RAPGEF6: variants seen among roughly 807,000 people sequenced by gnomAD.
RAPGEF6 encodes Rap guanine nucleotide exchange factor 6.
In RAPGEF6, 56 loss-of-function variants were observed where a neutral mutation model predicts 171.4. The observed-to-expected ratio is 0.33, with a 90% confidence interval of 0.26 to 0.41. RAPGEF6 has a LOEUF of 0.41. RAPGEF6 is among the 10% of genes least tolerant of loss of function. The pLI is 1.00. For missense variants in RAPGEF6, 1,674 were observed against 1,921.4 expected (o/e 0.87, Z 2.41); for synonymous variants, 692 against 650.1 (o/e 1.06, Z -0.98).
Position 131,571,861 on chromosome 5 carries a change from C to T in RAPGEF6, c.282-9814G>A, listed in dbSNP as rs562534579. 1.1e-4 allele frequency among the ~76,000 whole-genome samples: 17 copies of T among 152,274 alleles called. No homozygotes were observed. The South Asian group carries it at 3.5e-3, about 32-fold the overall frequency. On this transcript the variant is annotated intron_variant, in intron 4 of 27. Transcript: ENST00000509018. ...ATCGTGACATTCCCGCCACCACCGCCCCCAGCCTGTGATAATGTACCCTTG... is the reference window on the plus strand; with the variant it reads ...ATCGTGACATTCCCGCCACCACCGCTCCCAGCCTGTGATAATGTACCCTTG...
chr5:131,493,350 C>T (rs1477310550), intron 13 of RAPGEF6, among the ~76,000 whole-genome samples: 1 of 152,192 alleles, frequency 6.6e-6, no homozygotes. Context: ...AGGCATGAGC[C>T]ACCGCGCCCG....
At position 131,439,644 on chromosome 5, in the gene RAPGEF6, T is replaced by C. The variant is rs1222756953; in HGVS notation, c.3682A>G (p.Ile1228Val). The change falls in exon 24 of 28, where the codon ATT (isoleucine) becomes GTT (valine). Residue 1228 changes from isoleucine to valine, a missense_variant. Ile to Val is a conservative substitution (Grantham distance 29, BLOSUM62 3). Around this residue, in one of 3 missense-constraint regions of RAPGEF6, gnomAD observed 552 missense variants for 574.2 expected, o/e 0.96. Coordinates refer to ENST00000509018, the MANE Select transcript of RAPGEF6 (RefSeq NM_016340.6). Reference sequence around the variant, plus strand: ...GAATGTAAAGATGACGCCACAGAAATAGTGTCTTCTGTATGCTTCTTACCA... The same window carrying C: ...GAATGTAAAGATGACGCCACAGAAACAGTGTCTTCTGTATGCTTCTTACCA... ...ISGKKHTEDT[I>V]SVASSLHSSP... 1 of 1,612,802 alleles carries C rather than the reference T, an allele frequency of 6.2e-7. No individual in the cohort carries two copies. The highest frequency in any genetic ancestry group is 2.2e-5 in the East Asian group (1 of 44,880).
intron 4 of RAPGEF6, among the ~76,000 whole-genome samples, chr5:131,575,354 A>G (rs573130302): frequency 5.9e-5 from 9 of 152,148 alleles, no homozygotes; most frequent in African/African-American, 2.2e-4. Flanking sequence ...CCTCTTACGA[A>G]TCTTCCCAAC....
intron 4 of RAPGEF6, among the ~76,000 whole-genome samples, chr5:131,566,427 T>C (rs1330351788): frequency 6.6e-6 from 1 of 152,176 alleles, no homozygotes; most frequent in Non-Finnish European, 1.5e-5. Context: ...CCTGGGATAA[T>C]CCCAACTTGA....
At chr5:131,514,203 CTG>C (rs151044841) in intron 7 of RAPGEF6, among the ~76,000 whole-genome samples, 55 of 152,192 alleles carry the variant, frequency 3.6e-4, no homozygotes, top group Non-Finnish European at 7.4e-4. Flanking sequence ...AAAAATAAGA[CTG>C]TTCAAAAACA....
At chr5:131,495,512 A>AAT in intron 13 of RAPGEF6, 41 bp downstream of exon 13, 1 of 1,492,136 alleles carries the variant, frequency 6.7e-7, no homozygotes, top group Non-Finnish European at 9.3e-7. Flanking sequence ...TTGAGGGGGG[A>AAT]CCACTACACT....
At chr5:131,466,245 T>C (rs750875045) in intron 17 of RAPGEF6, among the ~76,000 whole-genome samples, 2 of 152,148 alleles carry the variant, frequency 1.3e-5, no homozygotes, top group Admixed American at 6.5e-5. Context: ...TCATCTACTC[T>C]GGTTCCTTCT....
At chr5:131,565,963 T>C (rs1380582883) in intron 4 of RAPGEF6, among the ~76,000 whole-genome samples, 1 of 152,056 alleles carries the variant, frequency 6.6e-6, no homozygotes, top group Non-Finnish European at 1.5e-5. Flanking sequence ...CTGTCCAACA[T>C]GGCAAAACCT....
At chr5:131,538,472 A>G (rs945996748) in intron 6 of RAPGEF6, among the ~76,000 whole-genome samples, 4 of 152,242 alleles carry the variant, frequency 2.6e-5, no homozygotes, top group East Asian at 1.9e-4. Flanking sequence ...GAAAACGTAC[A>G]GTAAAAACAG....
intron 17 of RAPGEF6, among the ~76,000 whole-genome samples, chr5:131,468,182 A>G (rs1469817577): frequency 6.6e-6 from 1 of 151,584 alleles, no homozygotes; most frequent in Non-Finnish European, 1.5e-5. Context: ...ATACAAAAAA[A>G]TTAGCTGGGC....
At chr5:131,508,779 A>G (rs772293340) in intron 8 of RAPGEF6, among the ~76,000 whole-genome samples, 1 of 152,210 alleles carries the variant, frequency 6.6e-6, no homozygotes, top group Non-Finnish European at 1.5e-5. Flanking sequence ...ACATATAAGC[A>G]GTCAGCAAAG....
chr5:131,521,144 C>A (rs1342625670), intron 7 of RAPGEF6, among the ~76,000 whole-genome samples: 1 of 152,066 alleles, frequency 6.6e-6, no homozygotes, highest in East Asian at 1.9e-4. Context: ...TATGGATTCA[C>A]CTGGATAAAT....
At chr5:131,553,918 A>G (rs1252020110) in intron 5 of RAPGEF6, among the ~76,000 whole-genome samples, 4 of 150,208 alleles carry the variant, frequency 2.7e-5, no homozygotes, top group African/African-American at 9.8e-5. Flanking sequence ...GGAAAGGTTG[A>G]AAAAAAAAAT....
chr5:131,625,885 C>T (rs1393466379), intron 1 of RAPGEF6, among the ~76,000 whole-genome samples: 1 of 151,802 alleles, frequency 6.6e-6, no homozygotes, highest in African/African-American at 2.4e-5. Flanking sequence ...TTACCTTTCA[C>T]ATGGAAAATA....
Position 131,495,060 on chromosome 5 carries a change from C to T in RAPGEF6, c.1527+493G>A, listed in dbSNP as rs185125477. On this transcript the variant is annotated intron_variant, in intron 13 of 27. Coordinates refer to ENST00000509018, the MANE Select transcript of RAPGEF6 (RefSeq NM_016340.6). The stretch of plus-strand genomic sequence containing the variant: ...CTGTAATCTCAGCACTCTGGAAGGC[C>T]GAGGCGGGCGGATCACGAGGTCAGG... 2.0e-3 allele frequency among the ~76,000 whole-genome samples: 311 copies of T among 152,148 alleles called. 1 individual carries two copies. Among genetic ancestry groups the T allele is most frequent in the Middle Eastern group, 3.4e-3 (1 of 294 alleles).
At chr5:131,631,778 T>C (rs1477577635) in intron 1 of RAPGEF6, among the ~76,000 whole-genome samples, 1 of 151,878 alleles carries the variant, frequency 6.6e-6, no homozygotes, top group Non-Finnish European at 1.5e-5. Flanking sequence ...GAGACCCTCT[T>C]TAAAAACAAA....
chr5:131,548,201 T>C lies in RAPGEF6; in HGVS notation c.352-11A>G, dbSNP rs748696315. On this transcript the variant is annotated splice_polypyrimidine_tract_variant and intron_variant, in intron 5 of 27. Transcript: ENST00000509018. ...TTTGGCATTCTCTACCTGAAACACA[T>C]GTTCATATTCCTGATGAAATATCAA... is the stretch of plus-strand genomic sequence containing the variant. 17 of 1,612,914 alleles carry C rather than the reference T, an allele frequency of 1.1e-5. No homozygotes were observed. The Admixed American group carries it at 1.5e-4, about 14-fold the overall frequency.
intron 5 of RAPGEF6, among the ~76,000 whole-genome samples, chr5:131,560,757 A>G (rs1196320234): frequency 2.6e-5 from 4 of 152,262 alleles, no homozygotes; most frequent in African/African-American, 9.6e-5. Context: ...CAAGTGGAAT[A>G]AGACATAATC....
At position 131,569,407 on chromosome 5, in the gene RAPGEF6, C is replaced by A. The variant is rs1307833766; in HGVS notation, c.282-7360G>T. Reference sequence around the variant, plus strand: ...CAGAACAAATGGTACAGAAAACAAACACACATATTTATGGTTAACTGATTT... The same window carrying A: ...CAGAACAAATGGTACAGAAAACAAAAACACATATTTATGGTTAACTGATTT... On this transcript the variant is annotated intron_variant, in intron 4 of 27. Coordinates refer to ENST00000509018, the MANE Select transcript of RAPGEF6 (RefSeq NM_016340.6). Among the ~76,000 whole-genome samples the A allele has an allele frequency of 3.9e-5, 6 of 152,258 alleles. No homozygotes were observed. In the East Asian group the frequency reaches 1.2e-3, roughly 29 times the overall value.
Sources: allele counts gnomAD v4.1 joint callset (sites outside exome capture counted in the v4.1 genomes callset), GRCh38; gene constraint gnomAD v4.1.1; regional missense constraint gnomAD v4.1.1; transcripts MANE v1.5; gene names NCBI Gene and HGNC (gene_info 2026-07-23, HGNC 2026-07-21).